The following UHMK1 variants were observed in gnomAD, a reference collection of about 807,000 sequenced individuals.
The protein encoded by UHMK1 is U2AF homology motif kinase 1, also known as serine/threonine-protein kinase Kist.
A neutral mutation model predicts 44.0 loss-of-function variants in UHMK1; 18 were observed. The observed-to-expected ratio is 0.41, with a 90% CI of 0.28 to 0.61. UHMK1 has a LOEUF of 0.61. Ranked by LOEUF, UHMK1 falls within the 20% of genes least tolerant of loss-of-function variation. The pLI, the probability that UHMK1 is intolerant of heterozygous loss-of-function variation, is 0.31. For missense variants in UHMK1, 463 were observed against 522.5 expected, an observed-to-expected ratio of 0.89 and a Z score of 1.11; for synonymous variants, 231 against 198.5, an observed-to-expected ratio of 1.16 and a Z score of -1.38.
At chr1:162,512,283 T>C (rs1651694594) in intron 4 of UHMK1, among the ~76,000 whole-genome samples, 1 of 151,904 alleles carries the variant, frequency 6.6e-6, no homozygotes, top group Admixed American at 6.6e-5. Flanking sequence ...TAATCAAAAG[T>C]GTTATTTTAA....
At chr1:162,500,674 A>C in intron 2 of UHMK1, 1 of 490,260 alleles carries the variant, frequency 2.0e-6, no homozygotes, top group Non-Finnish European at 3.6e-6. Context: ...GCAGTGCCTA[A>C]TAGGTAAGAG....
At chr1:162,520,013 C>T (rs1208002075) in intron 7 of UHMK1, among the ~76,000 whole-genome samples, 2 of 152,188 alleles carry the variant, frequency 1.3e-5, no homozygotes, top group African/African-American at 2.4e-5. Flanking sequence ...ATCCTTCTGC[C>T]TCAGCCTCCC....
intron 3 of UHMK1, among the ~76,000 whole-genome samples, chr1:162,502,917 G>A (rs557074115): frequency 6.7e-6 from 1 of 149,566 alleles, no homozygotes; most frequent in South Asian, 2.1e-4. Flanking sequence ...CTCATGGTAA[G>A]TATTTAATAA....
chr1:162,512,353 G>T lies in UHMK1; in HGVS notation c.849-147G>T, dbSNP rs552164001. The stretch of plus-strand genomic sequence containing the variant: ...TTACTAAACCATTTACTAATAAATA[G>T]CATTTGTATTTATAAGTGAATGATT... On this transcript the variant is annotated intron_variant, in intron 4 of 7. Transcript: ENST00000489294. The T allele has an allele frequency of 3.3e-5, 21 of 639,680 alleles. No homozygotes were observed. The African/African-American group carries it at 3.7e-4, about 11-fold the overall frequency. The allele number at this position is 639,680 out of a possible 1,614,324, so 39.6% of individuals were successfully genotyped here.
chr1:162,519,335 A>G (rs891899504), intron 7 of UHMK1, among the ~76,000 whole-genome samples: 3 of 151,912 alleles, frequency 2.0e-5, no homozygotes, highest in Non-Finnish European at 4.4e-5. Flanking sequence ...AAAAACAGTA[A>G]CACCAACTGC....
intron 3 of UHMK1, among the ~76,000 whole-genome samples, chr1:162,501,415 G>T (rs775453560): frequency 6.6e-6 from 1 of 152,114 alleles, no homozygotes; most frequent in Non-Finnish European, 1.5e-5. Context: ...TGATGCACCC[G>T]CCTGGGCCTC....
At chr1:162,499,909 C>A (rs766500282) in intron 1 of UHMK1, 46 bp from the exon 2 acceptor site, 2 of 1,588,582 alleles carry the variant, frequency 1.3e-6, no homozygotes, top group Non-Finnish European at 1.7e-6. Context: ...TTAGTAGTGA[C>A]TTACTCTGAG....
rs1397642296 is a variant in UHMK1, at chr1:162,523,467, A to G, written c.*917A>G. The G allele has an allele frequency of 2.0e-5, 3 of 152,650 alleles. No individual in the cohort carries two copies. The highest frequency in any genetic ancestry group is 4.4e-5 in the Non-Finnish European group (3 of 68,032). 9.5% of individuals were successfully genotyped at this position (152,650 alleles called of 1,614,324 possible). On this transcript the variant is annotated 3_prime_UTR_variant, in exon 8 of 8. Coordinates refer to ENST00000489294, the MANE Select transcript of UHMK1 (RefSeq NM_175866.5). ...TTCTAAAATGATTGGAACAAAGACT[A>G]AGTTGTGCCAGATGTAAATCAACCC...
Position 162,503,789 on chromosome 1 carries a change from C to T in UHMK1, c.789C>T (p.Ala263=), listed in dbSNP as rs777487113. The T allele has an allele frequency of 2.9e-5, 47 of 1,613,894 alleles. No individual in the cohort carries two copies. The highest frequency in any genetic ancestry group is 3.8e-5 in the Non-Finnish European group (45 of 1,179,994). Residue 263 remains alanine, a synonymous_variant, in exon 4 of 8, where the codon GCC becomes GCT. Coordinates refer to ENST00000489294, the MANE Select transcript of UHMK1 (RefSeq NM_175866.5). The part of the protein sequence containing the change: ...NSSAIIDHIF[A]SKAVVNAAIP... Reference sequence around the variant, plus strand: ...CTGCTATTATTGATCACATATTTGCCAGTAAAGCAGTGGTGAATGCCGCAA... The same window carrying T: ...CTGCTATTATTGATCACATATTTGCTAGTAAAGCAGTGGTGAATGCCGCAA...
intron 4 of UHMK1, among the ~76,000 whole-genome samples, chr1:162,507,845 C>G (rs902219266): frequency 3.9e-5 from 6 of 152,018 alleles, no homozygotes; most frequent in African/African-American, 1.4e-4. Context: ...TTCGGCCTCC[C>G]CAAATGTTGT....
At chr1:162,518,438 G>A (rs1047351120) in intron 7 of UHMK1, among the ~76,000 whole-genome samples, 2 of 151,088 alleles carry the variant, frequency 1.3e-5, no homozygotes, top group Non-Finnish European at 2.9e-5. Flanking sequence ...GGTTACGCCT[G>A]TAATCCCAGC....
At chr1:162,517,041 G>A (rs1397477598) in intron 6 of UHMK1, among the ~76,000 whole-genome samples, 1 of 152,234 alleles carries the variant, frequency 6.6e-6, no homozygotes, top group Non-Finnish European at 1.5e-5. Flanking sequence ...GCTCACGCCT[G>A]TAATCCCAAC....
chr1:162,506,159 G>A (rs1250585160), intron 4 of UHMK1, among the ~76,000 whole-genome samples: 1 of 151,252 alleles, frequency 6.6e-6, no homozygotes, highest in Non-Finnish European at 1.5e-5. Context: ...ATTCTAGCCT[G>A]GAAGTTAAAT....
At chr1:162,503,899 T>G (rs756090584) in intron 4 of UHMK1, 51 bp downstream of exon 4, 2 of 1,399,390 alleles carry the variant, frequency 1.4e-6, no homozygotes, top group Non-Finnish European at 2.0e-6. Flanking sequence ...CTATGTGAAA[T>G]GGTACGTCTT....
chr1:162,507,471 C>T (rs982488494), intron 4 of UHMK1, among the ~76,000 whole-genome samples: 3 of 151,582 alleles, frequency 2.0e-5, no homozygotes, highest in African/African-American at 4.9e-5. Context: ...TTTTAAGAGA[C>T]GAGGTCCCAC....
upstream of UHMK1, chr1:162,497,419 G>A (rs1258504602): frequency 3.5e-6 from 2 of 572,116 alleles, no homozygotes; most frequent in Admixed American, 2.9e-5. Context: ...TTGTATTTTC[G>A]GTTTACATCT....
chr1:162,501,827 C>T (rs1055694579), intron 3 of UHMK1, among the ~76,000 whole-genome samples: 2 of 151,642 alleles, frequency 1.3e-5, no homozygotes, highest in East Asian at 3.9e-4. Flanking sequence ...GTGGCTCACA[C>T]CTGTAATCCC....
intron 6 of UHMK1, among the ~76,000 whole-genome samples, chr1:162,516,450 A>G (rs2101682360): frequency 6.6e-6 from 1 of 152,286 alleles, no homozygotes; most frequent in African/African-American, 2.4e-5. Flanking sequence ...GGAAGGGAAA[A>G]AAGAAAGGGA....
Position 162,523,553 on chromosome 1 carries a change from T to A in UHMK1, c.*1003T>A, listed in dbSNP as rs370688378. On this transcript the variant is annotated 3_prime_UTR_variant, in exon 8 of 8. Transcript: ENST00000489294. The stretch of plus-strand genomic sequence containing the variant: ...TCTTTTTTGTAGTAAATCTATAGTT[T>A]TAAGGTTTCTCAAGATGTGGCTCTA... The A allele has an allele frequency of 1.3e-5, 2 of 152,674 alleles. No homozygotes were observed. Among genetic ancestry groups the A allele is most frequent in the African/African-American group, 4.8e-5 (2 of 41,558 alleles). 9.5% of individuals were successfully genotyped at this position (152,674 alleles called of 1,614,324 possible). A position where few individuals can be genotyped will look rare whatever the true frequency, so the allele number is the denominator to read the frequency against.
Sources: allele counts gnomAD v4.1 joint callset (sites outside exome capture counted in the v4.1 genomes callset), GRCh38; gene constraint gnomAD v4.1.1; transcripts MANE v1.5; gene names NCBI Gene and HGNC (gene_info 2026-07-23, HGNC 2026-07-21).